PTPRD: variants seen among roughly 807,000 people sequenced by gnomAD.
PTPRD encodes the protein receptor-type tyrosine-protein phosphatase delta.
Under a neutral mutation model 214.5 loss-of-function variants are expected in PTPRD, and 34 were observed. The ratio of observed to expected loss-of-function variants is 0.16; its 90% confidence interval spans 0.12 to 0.21. PTPRD has a LOEUF of 0.21. Among genes scored for constraint, PTPRD ranks in the 10% least tolerant of loss-of-function variants. The pLI, the probability that PTPRD is intolerant of heterozygous loss-of-function variation, is 1.00. For missense variants in PTPRD, 2,545 were observed against 2,398.7 expected (o/e 1.06, Z -1.27); for synonymous variants, 1,128 against 845.7 (o/e 1.33, Z -5.79).
At chr9:9,430,210 C>A (rs200053760) in intron 8 of PTPRD, among the ~76,000 whole-genome samples, 2 of 152,220 alleles carry the variant, frequency 1.3e-5, no homozygotes, top group East Asian at 3.9e-4. Flanking sequence ...AAAGTCTCAG[C>A]ATACAAAATC....
At chr9:9,509,410 CTAGA>C (rs995729623) in intron 8 of PTPRD, among the ~76,000 whole-genome samples, 1 of 151,394 alleles carries the variant, frequency 6.6e-6, no homozygotes, top group African/African-American at 2.4e-5. Context: ...AGCAAGCCTC[CTAGA>C]TAGTGTCAAG....
intron 9 of PTPRD, among the ~76,000 whole-genome samples, chr9:9,304,573 T>C (rs1956508128): frequency 6.6e-6 from 1 of 151,964 alleles, no homozygotes; most frequent in Non-Finnish European, 1.5e-5. Flanking sequence ...TGGGCAGGAT[T>C]CATTTTATGA....
intron 11 of PTPRD, among the ~76,000 whole-genome samples, chr9:8,922,552 C>A (rs1310117148): frequency 6.6e-6 from 1 of 152,162 alleles, no homozygotes; most frequent in Non-Finnish European, 1.5e-5. Context: ...CATCCAACTG[C>A]GTAGGAACTG....
chr9:8,343,289 T>A (rs537497239), intron 39 of PTPRD, among the ~76,000 whole-genome samples: 1 of 152,160 alleles, frequency 6.6e-6, no homozygotes, highest in East Asian at 1.9e-4. Context: ...TTAAAATAGG[T>A]TACTTTTTTA....
At chr9:9,668,485 T>A (rs142075461) in intron 7 of PTPRD, among the ~76,000 whole-genome samples, 2 of 152,322 alleles carry the variant, frequency 1.3e-5, no homozygotes, top group African/African-American at 4.8e-5. Flanking sequence ...GCCTTTTTAG[T>A]ACATTGTTGA....
intron 9 of PTPRD, among the ~76,000 whole-genome samples, chr9:9,307,224 C>A (rs1957419422): frequency 1.3e-5 from 2 of 152,140 alleles, no homozygotes; most frequent in Admixed American, 6.5e-5. Context: ...AAAACGGCTT[C>A]ATTTATCACT....
chr9:8,367,891 A>G (rs1166452918), intron 39 of PTPRD, among the ~76,000 whole-genome samples: 1 of 152,176 alleles, frequency 6.6e-6, no homozygotes, highest in Non-Finnish European at 1.5e-5. Flanking sequence ...AACCAATACT[A>G]TGAAAGAAAT....
chr9:9,706,906 A>T (rs1194269710), intron 7 of PTPRD, among the ~76,000 whole-genome samples: 1 of 152,212 alleles, frequency 6.6e-6, no homozygotes, highest in Non-Finnish European at 1.5e-5. Context: ...GGCAAAAAGC[A>T]ATTGAAAAGT....
intron 19 of PTPRD, 120 bp downstream of exon 19, chr9:8,523,393 A>G: frequency 8.1e-7 from 1 of 1,237,098 alleles, no homozygotes; most frequent in Admixed American, 2.0e-5. Context: ...ATTCTCTGCT[A>G]AAACATACCA....
chr9:8,470,293 A>T (rs1455661366), intron 31 of PTPRD, among the ~76,000 whole-genome samples: 1 of 152,118 alleles, frequency 6.6e-6, no homozygotes. Context: ...TGTAGTAATT[A>T]TGTCTTGTTC....
At chr9:8,773,627 A>C (rs1599348765) in intron 11 of PTPRD, among the ~76,000 whole-genome samples, 1 of 152,286 alleles carries the variant, frequency 6.6e-6, no homozygotes, top group South Asian at 2.1e-4. Flanking sequence ...CTGATAATGT[A>C]AATCCCCTGC....
intron 11 of PTPRD, among the ~76,000 whole-genome samples, chr9:8,914,341 A>G (rs1276491003): frequency 6.6e-6 from 1 of 152,172 alleles, no homozygotes; most frequent in Non-Finnish European, 1.5e-5. Flanking sequence ...ACCAAATAAC[A>G]ATATTACACT....
chr9:10,458,750 C>T (rs187763909), intron 2 of PTPRD, among the ~76,000 whole-genome samples: 2 of 152,040 alleles, frequency 1.3e-5, no homozygotes, highest in South Asian at 2.1e-4. Flanking sequence ...GAAAAATTAT[C>T]TGTATTTGCA....
intron 39 of PTPRD, among the ~76,000 whole-genome samples, chr9:8,366,363 C>G (rs931315398): frequency 1.3e-5 from 2 of 152,024 alleles, no homozygotes; most frequent in Admixed American, 1.3e-4. Context: ...CTGCCTCTCC[C>G]TTGATGAACT....
intron 32 of PTPRD, among the ~76,000 whole-genome samples, chr9:8,461,562 C>T (rs1309937161): frequency 6.6e-6 from 1 of 151,716 alleles, no homozygotes; most frequent in Non-Finnish European, 1.5e-5. Flanking sequence ...CTGCTTCTAC[C>T]ACTCACTCCT....
intron 5 of PTPRD, among the ~76,000 whole-genome samples, chr9:9,833,971 C>G (rs756384561): frequency 2.0e-5 from 3 of 151,914 alleles, no homozygotes; most frequent in Non-Finnish European, 4.4e-5. Context: ...GGTCCTGGAA[C>G]GATATACATC....
At chr9:8,787,096 A>G (rs550607666) in intron 11 of PTPRD, among the ~76,000 whole-genome samples, 46 of 152,188 alleles carry the variant, frequency 3.0e-4, no homozygotes, top group African/African-American at 1.1e-3. Flanking sequence ...TCAGCTTCCC[A>G]AAGTGCTAGA....
At chr9:8,990,196 C>G (rs73437890) in intron 11 of PTPRD, among the ~76,000 whole-genome samples, 1 of 152,266 alleles carries the variant, frequency 6.6e-6, no homozygotes, top group South Asian at 2.1e-4. Flanking sequence ...CCACATTCAA[C>G]TGGCCTCTGG....
intron 11 of PTPRD, among the ~76,000 whole-genome samples, chr9:8,845,799 G>A (rs1055398304): frequency 2.0e-5 from 3 of 152,180 alleles, no homozygotes; most frequent in Non-Finnish European, 2.9e-5. Flanking sequence ...CAGTTCCTAC[G>A]GCTCTTGCTC....
Sources: gnomAD v4.1 joint callset for allele counts (sites outside exome capture counted in the v4.1 genomes callset) on GRCh38, gnomAD v4.1.1 for gene constraint, MANE v1.5 for transcripts, NCBI Gene and HGNC (gene_info 2026-07-23, HGNC 2026-07-21) for gene names.